The following FOXP1 variants were observed in gnomAD, a reference collection of about 807,000 sequenced individuals.
FOXP1 encodes the protein forkhead box protein P1.
Under a neutral mutation model 98.2 loss-of-function variants are expected in FOXP1, and 15 were observed. That is an observed-to-expected ratio of 0.15 (90% CI 0.10 to 0.24). The LOEUF (loss-of-function observed/expected upper bound fraction) is 0.24, where lower values mean the gene tolerates loss of function less well. Ranked by LOEUF, FOXP1 falls within the 10% of genes least tolerant of loss-of-function variation. FOXP1 has a pLI of 1.00. For missense variants in FOXP1, 633 were observed against 848.5 expected (o/e 0.75, Z 3.15); for synonymous variants, 371 against 314.5 (o/e 1.18, Z -1.90).
chr3:71,533,655 T>C (rs955698644), intron 2 of FOXP1, among the ~76,000 whole-genome samples: 2 of 152,148 alleles, frequency 1.3e-5, no homozygotes, highest in Non-Finnish European at 2.9e-5. Flanking sequence ...CACTCTTTAA[T>C]TCTGCAGAAT....
chr3:71,077,294 C>G (rs958106390), intron 7 of FOXP1, among the ~76,000 whole-genome samples: 3 of 152,164 alleles, frequency 2.0e-5, no homozygotes, highest in Non-Finnish European at 4.4e-5. Context: ...ACCCTGAGGT[C>G]TCTTTTTAGT....
chr3:71,119,991 ATAT>A (rs2107807391), intron 6 of FOXP1, among the ~76,000 whole-genome samples: 1 of 152,358 alleles, frequency 6.6e-6, no homozygotes, highest in South Asian at 2.1e-4. Flanking sequence ...GATTGTGAAA[ATAT>A]TAGATGTTCA....
chr3:71,186,355 A>T (rs1252874637), intron 6 of FOXP1, among the ~76,000 whole-genome samples: 2 of 152,218 alleles, frequency 1.3e-5, no homozygotes, highest in Non-Finnish European at 2.9e-5. Context: ...GGAACTCTAG[A>T]GGAATGATGA....
chr3:71,438,790 T>C (rs2085618121), intron 3 of FOXP1, among the ~76,000 whole-genome samples: 1 of 151,690 alleles, frequency 6.6e-6, no homozygotes, highest in Non-Finnish European at 1.5e-5. Flanking sequence ...TTCAACATAT[T>C]GCTTTTTTGC....
At chr3:71,007,210 C>T (rs1336568436) in intron 12 of FOXP1, among the ~76,000 whole-genome samples, 1 of 152,098 alleles carries the variant, frequency 6.6e-6, no homozygotes, top group African/African-American at 2.4e-5. Flanking sequence ...ATATACAGCT[C>T]ATTTTGCAAT....
chr3:71,294,334 G>A (rs1449040346), intron 5 of FOXP1, among the ~76,000 whole-genome samples: 1 of 152,110 alleles, frequency 6.6e-6, no homozygotes, highest in Non-Finnish European at 1.5e-5. Flanking sequence ...AGCATATAAG[G>A]AAATCAAGTT....
intron 5 of FOXP1, among the ~76,000 whole-genome samples, chr3:71,208,441 C>A (rs1025984515): frequency 6.6e-6 from 1 of 152,054 alleles, no homozygotes; most frequent in Non-Finnish European, 1.5e-5. Flanking sequence ...TTCATCCAAG[C>A]AAAAGATAAG....
chr3:71,488,583 T>C (rs2090834607), intron 3 of FOXP1, among the ~76,000 whole-genome samples: 1 of 152,228 alleles, frequency 6.6e-6, no homozygotes, highest in African/African-American at 2.4e-5. Flanking sequence ...AGCCAGACAA[T>C]GGTTTCCACC....
At chr3:71,339,370 CA>C (rs1376733234) in intron 4 of FOXP1, among the ~76,000 whole-genome samples, 18 of 152,184 alleles carry the variant, frequency 1.2e-4, no homozygotes, top group African/African-American at 4.3e-4. Flanking sequence ...GCATTTCAAC[CA>C]CAAACCTGTC....
chr3:71,416,952 G>A (rs2083270338), intron 3 of FOXP1, among the ~76,000 whole-genome samples: 1 of 152,068 alleles, frequency 6.6e-6, no homozygotes. Context: ...AGTGGGACAT[G>A]ATCACATTTG....
At position 70,989,371 on chromosome 3, in the gene FOXP1, G is replaced by T. The variant is rs548553301; in HGVS notation, c.1063-1294C>A. ...TTAAGAAAGAAAGAAAAAAACAGCC[G>T]TACAGTGTTAGCATTTATCTTTCAA... On this transcript the variant is annotated intron_variant, in intron 13 of 20. Coordinates refer to ENST00000649528, the MANE Select transcript of FOXP1 (RefSeq NM_001349338.3). Among the ~76,000 whole-genome samples the T allele has an allele frequency of 5.3e-5, 8 of 151,900 alleles. 1 individual carries two copies. In the South Asian group the frequency reaches 1.5e-3, roughly 28 times the overall value.
intron 6 of FOXP1, among the ~76,000 whole-genome samples, chr3:71,163,689 T>C (rs980861302): frequency 2.0e-5 from 3 of 152,180 alleles, no homozygotes; most frequent in Admixed American, 6.5e-5. Flanking sequence ...CAAAACCTTA[T>C]ATTCTGTTTA....
At chr3:71,293,996 T>C (rs1490463424) in intron 5 of FOXP1, among the ~76,000 whole-genome samples, 1 of 152,214 alleles carries the variant, frequency 6.6e-6, no homozygotes, top group Non-Finnish European at 1.5e-5. Flanking sequence ...GAAAACATTT[T>C]GCTAAGTGAA....
chr3:71,566,129 G>C (rs901972106), intron 2 of FOXP1, among the ~76,000 whole-genome samples: 19 of 152,086 alleles, frequency 1.2e-4, no homozygotes, highest in Admixed American at 6.5e-4. Flanking sequence ...TGCCCGAGCC[G>C]CTCCTCATGC....
chr3:71,436,025 G>T (rs1453415237), intron 3 of FOXP1, among the ~76,000 whole-genome samples: 1 of 151,124 alleles, frequency 6.6e-6, no homozygotes. Flanking sequence ...GAAGAAAGGG[G>T]GGAGAATCTG....
At chr3:71,444,670 C>T (rs570390784) in intron 3 of FOXP1, among the ~76,000 whole-genome samples, 2 of 152,278 alleles carry the variant, frequency 1.3e-5, no homozygotes, top group African/African-American at 2.4e-5. Flanking sequence ...GCTCCTGGAC[C>T]CCACTTTTTC....
chr3:71,544,709 G>A (rs1015507748), intron 2 of FOXP1, among the ~76,000 whole-genome samples: 2 of 152,106 alleles, frequency 1.3e-5, no homozygotes, highest in African/African-American at 4.8e-5. Flanking sequence ...TCACAAAGAG[G>A]TAAGAGAGAC....
intron 7 of FOXP1, among the ~76,000 whole-genome samples, chr3:71,060,152 G>C (rs2051274736): frequency 1.3e-5 from 2 of 152,072 alleles, no homozygotes; most frequent in African/African-American, 4.8e-5. Context: ...CTGAAAGGGA[G>C]AAGGGACTAT....
intron 2 of FOXP1, among the ~76,000 whole-genome samples, chr3:71,516,698 C>T (rs554675133): frequency 1.8e-4 from 27 of 152,078 alleles, no homozygotes; most frequent in Admixed American, 2.0e-4. Context: ...ATACAAAAAT[C>T]AGCTGGGTGT....
Sources: allele counts gnomAD v4.1 joint callset (sites outside exome capture counted in the v4.1 genomes callset), GRCh38; gene constraint gnomAD v4.1.1; transcripts MANE v1.5; gene names NCBI Gene and HGNC (gene_info 2026-07-23, HGNC 2026-07-21).